Variants in BEND5 observed in about 807,000 individuals in gnomAD.
BEND5 encodes the protein BEN domain-containing protein 5.
Under a neutral mutation model 43.9 loss-of-function variants are expected in BEND5, and 22 were observed. That is an observed-to-expected ratio of 0.50 (90% CI 0.36 to 0.72). BEND5 has a LOEUF of 0.72. Among genes scored for constraint, BEND5 ranks in the 30% least tolerant of loss-of-function variants. The probability of loss-of-function intolerance (pLI) is 0.00; values close to 1 mark genes in which losing one functional copy is unlikely to be tolerated. For missense variants in BEND5, 428 were observed against 550.6 expected (o/e 0.78, Z 2.23); for synonymous variants, 228 against 225.9 (o/e 1.01, Z -0.08).
intron 5 of BEND5, among the ~76,000 whole-genome samples, chr1:48,732,843 A>C (rs1648365673): frequency 6.6e-6 from 1 of 152,208 alleles, no homozygotes; most frequent in Non-Finnish European, 1.5e-5. Flanking sequence ...ATCAGCGAGA[A>C]GATGGCTGGA....
intron 3 of BEND5, among the ~76,000 whole-genome samples, chr1:48,744,788 G>T (rs1194544621): frequency 6.6e-6 from 1 of 152,118 alleles, no homozygotes; most frequent in Non-Finnish European, 1.5e-5. Flanking sequence ...AGAACAACCA[G>T]CCTCCTCTCT....
intron 3 of BEND5, among the ~76,000 whole-genome samples, 175 bp from the exon 4 acceptor site, chr1:48,742,946 G>T (rs1934393): frequency 2.0e-5 from 3 of 152,032 alleles, no homozygotes; most frequent in South Asian, 2.1e-4. Context: ...AATGTCACAA[G>T]GGAAAAGGTG....
intron 3 of BEND5, among the ~76,000 whole-genome samples, chr1:48,751,827 C>A (rs1043240732): frequency 2.0e-5 from 3 of 152,136 alleles, no homozygotes; most frequent in African/African-American, 7.2e-5. Context: ...ATCCCCACTG[C>A]CCCCAGGAAA....
At chr1:48,745,548 C>T (rs1453636258) in intron 3 of BEND5, among the ~76,000 whole-genome samples, 1 of 152,154 alleles carries the variant, frequency 6.6e-6, no homozygotes, top group East Asian at 1.9e-4. Flanking sequence ...CTAACCCTCT[C>T]CACACATACA....
chr1:48,775,919 A>C (rs1205183898), intron 1 of BEND5, among the ~76,000 whole-genome samples: 1 of 152,190 alleles, frequency 6.6e-6, no homozygotes, highest in African/African-American at 2.4e-5. Context: ...AGATTCAGAA[A>C]GGGGTGTGGA....
chr1:48,761,254 A>T, intron 2 of BEND5, 83 bp downstream of exon 2: 1 of 1,372,978 alleles, frequency 7.3e-7, no homozygotes, highest in Non-Finnish European at 9.8e-7. Flanking sequence ...ACATGGGGAG[A>T]GGAAGCCAGA....
intron 3 of BEND5, among the ~76,000 whole-genome samples, chr1:48,751,967 C>G (rs994662396): frequency 2.0e-5 from 3 of 152,180 alleles, no homozygotes; most frequent in Admixed American, 2.0e-4. Context: ...CAAAAAAAGT[C>G]CTTCAAAGTA....
At chr1:48,750,487 T>C (rs1339648166) in intron 3 of BEND5, among the ~76,000 whole-genome samples, 2 of 152,128 alleles carry the variant, frequency 1.3e-5, no homozygotes, top group African/African-American at 4.8e-5. Context: ...ACCCCAGCCA[T>C]GTAAGGAGCT....
chr1:48,753,143 C>T (rs952306802), intron 3 of BEND5, among the ~76,000 whole-genome samples: 2 of 152,262 alleles, frequency 1.3e-5, no homozygotes, highest in South Asian at 4.2e-4. Context: ...GTAACTTGCC[C>T]GAGGCAACAA....
At chr1:48,748,395 G>C (rs552617620) in intron 3 of BEND5, among the ~76,000 whole-genome samples, 2 of 152,208 alleles carry the variant, frequency 1.3e-5, no homozygotes, top group Non-Finnish European at 2.9e-5. Flanking sequence ...TGCCAGCCCT[G>C]TGCTAGGTGG....
chr1:48,765,082 C>T (rs543501946), intron 1 of BEND5, among the ~76,000 whole-genome samples: 2 of 152,302 alleles, frequency 1.3e-5, no homozygotes, highest in South Asian at 4.1e-4. Flanking sequence ...CACTCATCTC[C>T]TCCCTCCCTC....
rs561329265 is a variant in BEND5, at chr1:48,773,732, C to G, written c.226+2874G>C. Among the ~76,000 whole-genome samples, 10 of 152,296 alleles carry G rather than the reference C, an allele frequency of 6.6e-5. No individual in the cohort carries two copies. In the East Asian group the frequency reaches 1.7e-3, roughly 26 times the overall value. On this transcript the variant is annotated intron_variant, in intron 1 of 5. Transcript: ENST00000371833. ...GGCCTGGCACTGGAAGACCTGTGTTCCAATTCCAGCCTTGCCATTTATTAG... is the reference window on the plus strand; with the variant it reads ...GGCCTGGCACTGGAAGACCTGTGTTGCAATTCCAGCCTTGCCATTTATTAG...
At chr1:48,734,773 C>T (rs1648751810) in intron 5 of BEND5, among the ~76,000 whole-genome samples, 1 of 152,244 alleles carries the variant, frequency 6.6e-6, no homozygotes, top group South Asian at 2.1e-4. Flanking sequence ...CCCTCTCTGT[C>T]CTACCACATC....
rs1375424115 is a variant in BEND5, at chr1:48,736,802, T to C, written c.895-350A>G. On this transcript the variant is annotated intron_variant, in intron 4 of 5. Coordinates refer to ENST00000371833, the MANE Select transcript of BEND5 (RefSeq NM_024603.4). The surrounding 1 kb of genome is among the most constrained non-coding windows in gnomAD (Gnocchi z 4.0). ...GTGGCAGAGTTGATATTCTACACTA[T>C]ACTTAGTTTATCACAAGGCTGCTCA... 2.6e-5 allele frequency among the ~76,000 whole-genome samples: 4 copies of C among 152,234 alleles called. No individual in the cohort carries two copies. Among genetic ancestry groups the C allele is most frequent in the Non-Finnish European group, 4.4e-5 (3 of 68,040 alleles).
intron 4 of BEND5, among the ~76,000 whole-genome samples, chr1:48,740,990 T>C (rs1043529457): frequency 1.3e-5 from 2 of 152,236 alleles, no homozygotes; most frequent in Non-Finnish European, 2.9e-5. Context: ...AGATTTGCTG[T>C]TCAACTCACG....
chr1:48,759,572 T>C (rs1644143834), intron 2 of BEND5, among the ~76,000 whole-genome samples: 1 of 152,228 alleles, frequency 6.6e-6, no homozygotes, highest in Admixed American at 6.5e-5. Context: ...GCCTCCTGGA[T>C]GCATATACCA....
At chr1:48,762,614 T>TTGTGTGTGTG (rs58396843) in intron 1 of BEND5, among the ~76,000 whole-genome samples, 920 of 75,108 alleles carry the variant, frequency 0.012, 13 homozygotes, top group African/African-American at 0.035. Flanking sequence ...TTTAAGGGTT[T>TTGTGTGTGTG]TGTGTGTGTG....
chr1:48,758,320 G>C (rs1226789535), intron 3 of BEND5, among the ~76,000 whole-genome samples: 1 of 152,072 alleles, frequency 6.6e-6, no homozygotes, highest in Non-Finnish European at 1.5e-5. Flanking sequence ...ATTCCTCTTA[G>C]TGTGCTCCAG....
At chr1:48,763,071 T>G (rs1484373630) in intron 1 of BEND5, among the ~76,000 whole-genome samples, 1 of 150,670 alleles carries the variant, frequency 6.6e-6, no homozygotes, top group Non-Finnish European at 1.5e-5. Context: ...TTTCTTCTCT[T>G]AAGCATAAAG....
Sources: allele counts gnomAD v4.1 joint callset (sites outside exome capture counted in the v4.1 genomes callset), GRCh38; gene constraint gnomAD v4.1.1; non-coding constraint Gnocchi (gnomAD v3.1); transcripts MANE v1.5; gene names NCBI Gene and HGNC (gene_info 2026-07-23, HGNC 2026-07-21).